RGL1: variants seen among roughly 807,000 people sequenced by gnomAD.
RGL1 encodes ral guanine nucleotide dissociation stimulator-like 1.
RGL1 carries 24 observed loss-of-function variants against 95.2 expected under a neutral mutation model. That is an observed-to-expected ratio of 0.25 (90% CI 0.18 to 0.35). The LOEUF (loss-of-function observed/expected upper bound fraction) is 0.35, where lower values mean the gene tolerates loss of function less well. Ranked by LOEUF, RGL1 falls within the 10% of genes least tolerant of loss-of-function variation. RGL1 has a pLI of 1.00. For synonymous variants in RGL1, 329 were observed against 344.9 expected, an observed-to-expected ratio of 0.95 and a Z score of 0.51; for missense variants, 715 against 936.3, an observed-to-expected ratio of 0.76 and a Z score of 3.08.
At chr1:183,732,765 A>T (rs1180587073) in intron 1 of RGL1, among the ~76,000 whole-genome samples, 1 of 152,166 alleles carries the variant, frequency 6.6e-6, no homozygotes, top group Non-Finnish European at 1.5e-5. Flanking sequence ...AATATTTGCA[A>T]TTTTAAAGAA....
At chr1:183,738,758 G>A (rs892184914) in intron 1 of RGL1, among the ~76,000 whole-genome samples, 6 of 152,036 alleles carry the variant, frequency 3.9e-5, no homozygotes, top group African/African-American at 1.4e-4. Flanking sequence ...AAAATTAGCT[G>A]GGCGTGGTGG....
At chr1:183,668,001 ATATGTGTG>A (rs1475930894) in intron 1 of RGL1, among the ~76,000 whole-genome samples, 2 of 56,882 alleles carry the variant, frequency 3.5e-5, no homozygotes, top group Non-Finnish European at 9.8e-5. Context: ...ATGCTTATAT[ATATGTGTG>A]TGTGTGTGTG....
intron 2 of RGL1, among the ~76,000 whole-genome samples, chr1:183,779,017 C>G (rs1336404557): frequency 2.0e-5 from 3 of 152,092 alleles, no homozygotes; most frequent in African/African-American, 7.2e-5. Flanking sequence ...TTCATGGACA[C>G]CTATTAGGTG....
chr1:183,915,749 A>G (rs1344033026), intron 15 of RGL1, among the ~76,000 whole-genome samples: 2 of 152,232 alleles, frequency 1.3e-5, no homozygotes, highest in African/African-American at 2.4e-5. Flanking sequence ...GCAGCATACT[A>G]TGTTGATTCA....
At chr1:183,786,797 T>C (rs747321078) in intron 2 of RGL1, among the ~76,000 whole-genome samples, 11 of 152,256 alleles carry the variant, frequency 7.2e-5, no homozygotes, top group Non-Finnish European at 1.6e-4. Context: ...CCAGCATTTA[T>C]GTTGTCTGTA....
chr1:183,903,282 G>A (rs1046566254), intron 12 of RGL1, among the ~76,000 whole-genome samples: 3 of 152,142 alleles, frequency 2.0e-5, no homozygotes, highest in Non-Finnish European at 2.9e-5. Context: ...TTCGTCTTCG[G>A]TGTAGGTAGT....
chr1:183,843,402 C>T (rs745859921), intron 2 of RGL1, among the ~76,000 whole-genome samples: 10 of 152,178 alleles, frequency 6.6e-5, no homozygotes, highest in East Asian at 1.9e-4. Context: ...AAATTTTTTC[C>T]GAGTAAGAAA....
chr1:183,664,276 G>T (rs74395504), intron 1 of RGL1, among the ~76,000 whole-genome samples: 12,384 of 151,932 alleles, frequency 0.082, 990 homozygotes, highest in African/African-American at 0.21. Flanking sequence ...GATAGATTAT[G>T]ATTGGTGTAA....
chr1:183,647,675 A>G, intron 1 of RGL1: 3 of 1,590,402 alleles, frequency 1.9e-6, no homozygotes, highest in Non-Finnish European at 2.6e-6. Flanking sequence ...AGGAATGTAG[A>G]TTTTATTTCT....
At chr1:183,839,257 T>C (rs1252626496) in intron 2 of RGL1, among the ~76,000 whole-genome samples, 1 of 151,724 alleles carries the variant, frequency 6.6e-6, no homozygotes, top group Non-Finnish European at 1.5e-5. Context: ...TTTTAGATTC[T>C]AACTGCCTGT....
At chr1:183,787,819 A>G (rs960966578) in intron 2 of RGL1, among the ~76,000 whole-genome samples, 5 of 151,656 alleles carry the variant, frequency 3.3e-5, no homozygotes. Context: ...GTTAAAAAAA[A>G]CAAAAACAAA....
chr1:183,829,253 A>G (rs1419439426), intron 2 of RGL1, among the ~76,000 whole-genome samples: 3 of 152,094 alleles, frequency 2.0e-5, no homozygotes, highest in Non-Finnish European at 4.4e-5. Flanking sequence ...CTACCTGGGC[A>G]ATATAGTGAG....
At chr1:183,775,999 T>C (rs1174372986) in intron 2 of RGL1, among the ~76,000 whole-genome samples, 1 of 152,192 alleles carries the variant, frequency 6.6e-6, no homozygotes. Context: ...ACAGATATTA[T>C]TAAATAAAAC....
Position 183,898,156 on chromosome 1 carries a change from G to A in RGL1, c.1230+259G>A, listed in dbSNP as rs946061452. 3.3e-5 allele frequency among the ~76,000 whole-genome samples: 5 copies of A among 152,294 alleles called. No homozygotes were observed. In the East Asian group the frequency reaches 9.7e-4, roughly 29 times the overall value. ...GCAAAGTTGTTTTCTGAAGGTGAGG[G>A]GGAGTCTACAGCAGGTCGACTTCCT... On this transcript the variant is annotated intron_variant, in intron 10 of 17. Transcript: ENST00000360851.
intron 2 of RGL1, among the ~76,000 whole-genome samples, chr1:183,773,248 C>T (rs193115721): frequency 7.2e-5 from 11 of 151,942 alleles, no homozygotes; most frequent in South Asian, 2.1e-4. Flanking sequence ...TTTCTTTCTG[C>T]ATTTCCTTTA....
intron 2 of RGL1, among the ~76,000 whole-genome samples, chr1:183,830,768 C>T (rs1369539347): frequency 6.6e-6 from 1 of 151,960 alleles, no homozygotes; most frequent in Non-Finnish European, 1.5e-5. Context: ...AATCTCAGAA[C>T]AGTCATTTTA....
At chr1:183,786,268 G>A (rs1486329653) in intron 2 of RGL1, among the ~76,000 whole-genome samples, 2 of 152,070 alleles carry the variant, frequency 1.3e-5, no homozygotes, top group East Asian at 1.9e-4. Context: ...ACTGAGCATC[G>A]GGATGTATGC....
At chr1:183,810,842 C>T (rs751174574) in intron 2 of RGL1, among the ~76,000 whole-genome samples, 10 of 152,166 alleles carry the variant, frequency 6.6e-5, no homozygotes, top group Non-Finnish European at 8.8e-5. Flanking sequence ...CTGGATGAGG[C>T]GTCCCTTCTG....
rs188856642 is a variant in RGL1 at position 183,745,565 on chromosome 1, T to G, written c.132+3276T>G. Among the ~76,000 whole-genome samples the G allele has an allele frequency of 4.1e-3, 619 of 152,310 alleles. 7 individuals are homozygous for G. The highest frequency in any genetic ancestry group is 6.9e-3 in the Non-Finnish European group (466 of 67,992). Reference sequence around the variant, plus strand: ...ATCTAGTGTCACTTTTGAATGTTATTGTTTCTTCTTCAGTTTATAATGCTA... The same window carrying G: ...ATCTAGTGTCACTTTTGAATGTTATGGTTTCTTCTTCAGTTTATAATGCTA... On this transcript the variant is annotated intron_variant, in intron 2 of 18. Coordinates refer to the RGL1 transcript ENST00000304685.
Sources: allele counts gnomAD v4.1 joint callset (sites outside exome capture counted in the v4.1 genomes callset), GRCh38; gene constraint gnomAD v4.1.1; transcripts MANE v1.5; gene names NCBI Gene and HGNC (gene_info 2026-07-23, HGNC 2026-07-21).